Variants in ARHGAP22 observed in about 807,000 individuals in gnomAD.
The protein encoded by ARHGAP22 is Rho GTPase activating protein 22, also known as rho GTPase-activating protein 22.
Under a neutral mutation model 59.1 loss-of-function variants are expected in ARHGAP22, and 48 were observed. That is an observed-to-expected ratio of 0.81 (90% CI 0.64 to 1.03). The LOEUF (loss-of-function observed/expected upper bound fraction) is 1.03, where lower values mean the gene tolerates loss of function less well. Ranked by LOEUF, ARHGAP22 falls within the 50% of genes least tolerant of loss-of-function variation. The probability of loss-of-function intolerance (pLI) is 0.00; values close to 1 mark genes in which losing one functional copy is unlikely to be tolerated. For missense variants in ARHGAP22, 1,015 were observed against 958.7 expected (o/e 1.06, Z -0.78); for synonymous variants, 445 against 416.4 (o/e 1.07, Z -0.84).
At chr10:48,591,707 C>T (rs1284421420) in intron 1 of ARHGAP22, among the ~76,000 whole-genome samples, 2 of 152,058 alleles carry the variant, frequency 1.3e-5, no homozygotes, top group African/African-American at 4.8e-5. Flanking sequence ...AACCTCATAT[C>T]TACAAAAAAT....
intron 1 of ARHGAP22, among the ~76,000 whole-genome samples, chr10:48,640,367 A>G (rs2061993359): frequency 1.3e-5 from 2 of 152,258 alleles, no homozygotes; most frequent in South Asian, 4.1e-4. Context: ...ATTATTTTTC[A>G]TGTATAATTA....
intron 1 of ARHGAP22, among the ~76,000 whole-genome samples, chr10:48,617,773 T>C (rs747459924): frequency 3.3e-5 from 5 of 151,924 alleles, no homozygotes; most frequent in Non-Finnish European, 7.4e-5. Flanking sequence ...GTAATGCCTC[T>C]CAAGAATCTA....
At position 48,571,783 on chromosome 10, in the gene ARHGAP22, G is replaced by C. The variant is rs563460616; in HGVS notation, c.234+11170C>G. ...ACAGTTGCATTTGGCAGCTGAGCTG[G>C]GCTATAAGGTCCAGGAAGGAAGGCC... On this transcript the variant is annotated intron_variant, in intron 2 of 9. Transcript: ENST00000249601. Among the ~76,000 whole-genome samples, 9 of 152,276 alleles carry C rather than the reference G, an allele frequency of 5.9e-5. 1 individual carries two copies. Among genetic ancestry groups the C allele is most frequent in the Admixed American group, 5.9e-4 (9 of 15,302 alleles).
chr10:48,517,241 T>C (rs2134651956), intron 3 of ARHGAP22, among the ~76,000 whole-genome samples: 1 of 152,348 alleles, frequency 6.6e-6, no homozygotes, highest in East Asian at 1.9e-4. Context: ...ATTCAATTAA[T>C]TTCTATAATA....
At chr10:48,646,018 G>T (rs1255992302) in intron 1 of ARHGAP22, among the ~76,000 whole-genome samples, 1 of 151,982 alleles carries the variant, frequency 6.6e-6, no homozygotes, top group East Asian at 1.9e-4. Context: ...ATACAAGATG[G>T]ACATAGCAAA....
chr10:48,514,487 T>A (rs1319504086), intron 3 of ARHGAP22, among the ~76,000 whole-genome samples: 2 of 152,112 alleles, frequency 1.3e-5, no homozygotes, highest in Non-Finnish European at 1.5e-5. Flanking sequence ...GAATTCTATA[T>A]CCAGCAAAAC....
intron 3 of ARHGAP22, among the ~76,000 whole-genome samples, chr10:48,508,083 C>T (rs540494154): frequency 6.6e-6 from 1 of 152,142 alleles, no homozygotes; most frequent in Admixed American, 6.5e-5. Context: ...GGCTCAAAGG[C>T]TGGGGTGGCC....
intron 3 of ARHGAP22, chr10:48,532,920 A>C (rs2054997023): frequency 6.6e-6 from 1 of 152,180 alleles, no homozygotes; most frequent in Admixed American, 6.5e-5. Context: ...GTTAGTGACA[A>C]GTTGGGCCTG....
chr10:48,613,549 T>C (rs1349593616), intron 1 of ARHGAP22, among the ~76,000 whole-genome samples: 1 of 152,106 alleles, frequency 6.6e-6, no homozygotes, highest in African/African-American at 2.4e-5. Flanking sequence ...GCCATGCCCT[T>C]GTGGTATATG....
intron 3 of ARHGAP22, among the ~76,000 whole-genome samples, chr10:48,553,892 T>C (rs1196904977): frequency 6.6e-6 from 1 of 152,184 alleles, no homozygotes; most frequent in Non-Finnish European, 1.5e-5. Flanking sequence ...TACCTTCTAG[T>C]TCTGGCCTTG....
chr10:48,549,667 A>C (rs961477523), intron 3 of ARHGAP22, among the ~76,000 whole-genome samples: 2 of 152,188 alleles, frequency 1.3e-5, no homozygotes, highest in East Asian at 1.9e-4. Context: ...CATCTTATAC[A>C]TTATACGGTC....
At chr10:48,644,681 AT>A (rs2062215408) in intron 1 of ARHGAP22, among the ~76,000 whole-genome samples, 1 of 152,194 alleles carries the variant, frequency 6.6e-6, no homozygotes, top group Non-Finnish European at 1.5e-5. Context: ...TCAGCCACAC[AT>A]CACACAGGAA....
chr10:48,636,955 G>A (rs1025081361), intron 1 of ARHGAP22, among the ~76,000 whole-genome samples: 5 of 152,234 alleles, frequency 3.3e-5, no homozygotes, highest in Admixed American at 2.6e-4. Flanking sequence ...AGGGAGGGCC[G>A]GAGTCTGAGA....
intron 3 of ARHGAP22, among the ~76,000 whole-genome samples, chr10:48,499,020 G>T (rs1393022476): frequency 6.6e-6 from 1 of 152,206 alleles, no homozygotes; most frequent in East Asian, 1.9e-4. Flanking sequence ...GAAGGGGCGT[G>T]TCCTGCCTGT....
the ARHGAP22 span, chr10:48,431,035 A>G: frequency 1.5e-6 from 1 of 646,062 alleles, no homozygotes; most frequent in Non-Finnish European, 2.8e-6. Flanking sequence ...TTATTAATTA[A>G]CATCCTTGAA....
intron 1 of ARHGAP22, among the ~76,000 whole-genome samples, chr10:48,588,011 G>GGTCCTAT (rs1215735385): frequency 6.6e-6 from 1 of 152,250 alleles, no homozygotes; most frequent in Non-Finnish European, 1.5e-5. Context: ...TGCTGAGCCT[G>GGTCCTAT]GCTGAGAGCA....
At chr10:48,587,340 G>C (rs1188731975) in intron 1 of ARHGAP22, among the ~76,000 whole-genome samples, 1 of 152,218 alleles carries the variant, frequency 6.6e-6, no homozygotes. Flanking sequence ...GAGGAGTCTG[G>C]CAGGGGACTA....
At chr10:48,479,609 G>A in intron 4 of ARHGAP22, 27 bp downstream of exon 4, 1 of 1,613,850 alleles carries the variant, frequency 6.2e-7, no homozygotes, top group South Asian at 1.1e-5. Context: ...GGTTCTAGAG[G>A]GTGGGCATGC....
rs779152462 is a variant in ARHGAP22 at position 48,459,785 on chromosome 10, G to A, written c.558C>T (p.Arg186=). 12 of 1,613,920 alleles carry A rather than the reference G, an allele frequency of 7.4e-6. No individual in the cohort carries two copies. The highest frequency in any genetic ancestry group is 5.3e-5 in the African/African-American group (4 of 75,078). ...GGAACAGCCCCTCCTCAGTGAGCCC[G>A]CGCTCCCGGATGAAGTCCACACACT... is the stretch of plus-strand genomic sequence containing the variant. The part of the protein sequence containing the change: ...VEQCVDFIRE[R]GLTEEGLFRM... The change falls in exon 5 of 10, where the codon CGC becomes CGT. Residue 186 remains arginine, a synonymous_variant. Transcript: ENST00000249601.
Sources: gnomAD v4.1 joint callset for allele counts (sites outside exome capture counted in the v4.1 genomes callset) on GRCh38, gnomAD v4.1.1 for gene constraint, MANE v1.5 for transcripts, NCBI Gene and HGNC (gene_info 2026-07-23, HGNC 2026-07-21) for gene names.